The following GARRE1 variants were observed in gnomAD, a reference collection of about 807,000 sequenced individuals.
GARRE1 encodes granule associated Rac and RHOG effector 1.
A neutral mutation model predicts 103.2 loss-of-function variants in GARRE1; 49 were observed. The observed-to-expected ratio is 0.47, with a 90% CI of 0.38 to 0.60. The LOEUF is 0.60. GARRE1 is among the 20% of genes least tolerant of loss of function. The pLI, the probability that GARRE1 is intolerant of heterozygous loss-of-function variation, is 0.00. For synonymous variants in GARRE1, 505 were observed against 532.8 expected, an observed-to-expected ratio of 0.95 and a Z score of 0.72; for missense variants, 1,199 against 1,370.5, an observed-to-expected ratio of 0.87 and a Z score of 1.98.
chr19:34,348,247 C>T (rs1013465417), intron 11 of GARRE1: 4 of 406,342 alleles, frequency 9.8e-6, no homozygotes, highest in Non-Finnish European at 1.7e-5. Flanking sequence ...GTGATGTATC[C>T]CTGTGAACGT....
At chr19:34,335,883 C>G (rs1039843782) in intron 8 of GARRE1, among the ~76,000 whole-genome samples, 1 of 152,114 alleles carries the variant, frequency 6.6e-6, no homozygotes, top group Non-Finnish European at 1.5e-5. Flanking sequence ...TGTTTAGAGT[C>G]TATGAATATA....
rs190189047 is a variant in GARRE1, at chr19:34,306,852, C to T, written c.495+5884C>T. 1.2e-4 allele frequency among the ~76,000 whole-genome samples: 19 copies of T among 152,240 alleles called. No homozygotes were observed. The East Asian group carries it at 3.3e-3, about 26-fold the overall frequency. On this transcript the variant is annotated intron_variant, in intron 2 of 13. Coordinates refer to ENST00000299505, the MANE Select transcript of GARRE1 (RefSeq NM_014686.5). ...TCTGCCTGATACTACTCCAGCATGT[C>T]GATTGCAGTAGTGAACATGACAGAA...
intron 1 of GARRE1, among the ~76,000 whole-genome samples, chr19:34,293,361 C>T (rs536149657): frequency 6.6e-6 from 1 of 151,060 alleles, no homozygotes; most frequent in South Asian, 2.1e-4. Flanking sequence ...TTGTTTGATC[C>T]TCTCTCTCTT....
rs528032824 is a variant in GARRE1 at position 34,264,988 on chromosome 19, AT to A, written c.-796+10378del. Among the ~76,000 whole-genome samples the A allele has an allele frequency of 2.8e-3, 428 of 151,754 alleles. 2 individuals carry two copies. The highest frequency in any genetic ancestry group is 4.5e-3 in the Non-Finnish European group (303 of 67,950). ...TGCTTTTCTTTCTTTTTTTTAAGTC[AT>A]TTTGATTATGTTCCTTGTGTCTGGG... On this transcript the variant is annotated intron_variant, in intron 1 of 13. Transcript: ENST00000299505.
intron 3 of GARRE1, among the ~76,000 whole-genome samples, chr19:34,323,822 G>A (rs922455148): frequency 3.9e-5 from 6 of 152,126 alleles, no homozygotes; most frequent in Non-Finnish European, 8.8e-5. Context: ...CTCTCTTGAC[G>A]TCTTCACCTT....
intron 10 of GARRE1, 57 bp downstream of exon 10, chr19:34,342,512 T>C (rs2145280484): frequency 6.8e-7 from 1 of 1,471,802 alleles, no homozygotes; most frequent in East Asian, 2.3e-5. Context: ...ACTGCCGAGG[T>C]CTTCCCAGGG....
At chr19:34,296,633 GTCCA>G (rs2073949167) in intron 1 of GARRE1, 1 of 1,153,812 alleles carries the variant, frequency 8.7e-7, no homozygotes, top group East Asian at 2.3e-5. Flanking sequence ...GGAACCTGGG[GTCCA>G]TCCACTTAAG....
intron 2 of GARRE1, among the ~76,000 whole-genome samples, chr19:34,317,325 C>T (rs10405398): frequency 0.097 from 14,753 of 152,286 alleles, 1,136 homozygotes; most frequent in African/African-American, 0.2. Flanking sequence ...TATCAGGCAT[C>T]CCCATCTTAT....
intron 1 of GARRE1, among the ~76,000 whole-genome samples, chr19:34,269,507 C>T (rs1440938005): frequency 6.6e-6 from 1 of 152,130 alleles, no homozygotes; most frequent in African/African-American, 2.4e-5. Flanking sequence ...TTTTGTCAAC[C>T]AATCAATTAT....
chr19:34,300,693 G>A lies in GARRE1; in HGVS notation c.220G>A (p.Ala74Thr), dbSNP rs765115581. The A allele has an allele frequency of 5.0e-6, 8 of 1,613,894 alleles. No homozygotes were observed. The highest frequency in any genetic ancestry group is 2.2e-5 in the South Asian group (2 of 91,078). ...HHAMPHTTPI[A>T]DIQQGISKYL... ...TGCCATGCCCCACACTACTCCTATC[G>A]CCGACATCCAGCAGGGCATCTCCAA... is the stretch of plus-strand genomic sequence containing the variant. Residue 74 changes from alanine (A) to threonine (T), a missense_variant, in exon 2 of 14, where the codon GCC becomes ACC. Coordinates refer to ENST00000299505, the MANE Select transcript of GARRE1 (RefSeq NM_014686.5).
chr19:34,354,790 T>C lies in GARRE1; in HGVS notation c.*1835T>C, dbSNP rs1434420167. ...CCAGCCACCTGAGTTTTTAGTACTG[T>C]GTTGTCAGGCTCTTCCCAGGCCTCA... is the stretch of plus-strand genomic sequence containing the variant. On this transcript the variant is annotated 3_prime_UTR_variant, in exon 14 of 14. Coordinates refer to ENST00000299505, the MANE Select transcript of GARRE1 (RefSeq NM_014686.5). 2 of 152,614 alleles carry C rather than the reference T, an allele frequency of 1.3e-5. No individual in the cohort carries two copies. The highest frequency in any genetic ancestry group is 4.8e-5 in the African/African-American group (2 of 41,426). The allele number at this position is 152,614 out of a possible 1,614,324, so 9.5% of individuals were successfully genotyped here.
In GARRE1 at chr19:34,263,183, A is replaced by T. The variant is rs894425245; in HGVS notation, c.-796+8569A>T. ...AGCCAAGATCGTGCCACTGCACTCC[A>T]GCCTGGGTGACAGAGCAAGATTCCA... On this transcript the variant is annotated intron_variant, in intron 1 of 13. Transcript: ENST00000299505. Among the ~76,000 whole-genome samples the T allele has an allele frequency of 3.9e-5, 6 of 152,278 alleles. No individual in the cohort carries two copies. The East Asian group carries it at 1.2e-3, about 29-fold the overall frequency.
At chr19:34,257,014 A>T (rs1291337845) in intron 1 of GARRE1, among the ~76,000 whole-genome samples, 1 of 152,166 alleles carries the variant, frequency 6.6e-6, no homozygotes, top group African/African-American at 2.4e-5. Flanking sequence ...GGCATTTGAG[A>T]TTCTAATCTT....
rs2074164649 is a variant in GARRE1, at chr19:34,337,094, G to A, written c.1362-2773G>A. On this transcript the variant is annotated intron_variant, in intron 8 of 13. Transcript: ENST00000299505. ...AAATTACAAAATACTGTATGTGCTTGTTGGGAAGAACACAAACAGAAATGA... is the reference window on the plus strand; with the variant it reads ...AAATTACAAAATACTGTATGTGCTTATTGGGAAGAACACAAACAGAAATGA... Among the ~76,000 whole-genome samples, 3 of 135,530 alleles carry A rather than the reference G, an allele frequency of 2.2e-5. No individual in the cohort carries two copies. In the South Asian group the frequency reaches 7.4e-4, roughly 33 times the overall value. The allele number at this position is 135,530 out of a possible 152,430, so 88.9% of individuals were successfully genotyped here. A position where few individuals can be genotyped will look rare whatever the true frequency, so the allele number is the denominator to read the frequency against.
At chr19:34,257,176 A>G (rs1426250284) in intron 1 of GARRE1, among the ~76,000 whole-genome samples, 1 of 148,502 alleles carries the variant, frequency 6.7e-6, no homozygotes, top group Non-Finnish European at 1.5e-5. Context: ...TTTTTTTTTA[A>G]GCAAATTGCA....
At chr19:34,336,689 C>CA (rs2074162676) in intron 8 of GARRE1, among the ~76,000 whole-genome samples, 1 of 151,534 alleles carries the variant, frequency 6.6e-6, no homozygotes, top group Admixed American at 6.6e-5. Context: ...AGGCTGGTCT[C>CA]AAACTCCTGA....
In GARRE1 at chr19:34,333,764, G is replaced by A. The variant is rs988431621; in HGVS notation, c.1324G>A (p.Glu442Lys). 2.5e-6 allele frequency: 4 copies of A among 1,571,566 alleles called. No homozygotes were observed. Among genetic ancestry groups the A allele is most frequent in the Non-Finnish European group, 3.5e-6 (4 of 1,152,916 alleles). ...AGCCTATGCCCCCCAGATCAGTTTA[G>A]AAGGCTCTAGAATCGTGGTTCAAGT... ...KEAYAPQISL[E>K]GSRIVVQVPS... Residue 442 changes from glutamate to lysine, a missense_variant, in exon 8 of 14, where the codon GAA becomes AAA. Coordinates refer to ENST00000299505, the MANE Select transcript of GARRE1 (RefSeq NM_014686.5).
chr19:34,284,032 G>A (rs549343233), intron 1 of GARRE1, among the ~76,000 whole-genome samples: 225 of 150,554 alleles, frequency 1.5e-3, no homozygotes, highest in Non-Finnish European at 2.9e-3. Flanking sequence ...GGGTTTCACC[G>A]TGTTAGCCAG....
At chr19:34,328,810 G>T (rs1312087441) in intron 6 of GARRE1, among the ~76,000 whole-genome samples, 1 of 152,074 alleles carries the variant, frequency 6.6e-6, no homozygotes, top group East Asian at 1.9e-4. Context: ...GTTTTACTGT[G>T]TTGGCCAGGA....
Sources: allele counts gnomAD v4.1 joint callset (sites outside exome capture counted in the v4.1 genomes callset), GRCh38; gene constraint gnomAD v4.1.1; transcripts MANE v1.5; gene names NCBI Gene and HGNC (gene_info 2026-07-23, HGNC 2026-07-21).